MORN4: variants seen among roughly 807,000 people sequenced by gnomAD.
MORN4 encodes the protein MORN repeat-containing protein 4.
A neutral mutation model predicts 16.4 loss-of-function variants in MORN4; 8 were observed. That is an observed-to-expected ratio of 0.49 (90% CI 0.29 to 0.88). The LOEUF is 0.88. Among genes scored for constraint, MORN4 ranks in the 40% least tolerant of loss-of-function variants. The pLI, the probability that MORN4 is intolerant of heterozygous loss-of-function variation, is 0.09. For synonymous variants in MORN4, 53 were observed against 68.9 expected (o/e 0.77, Z 1.14); for missense variants, 159 against 182.9 (o/e 0.87, Z 0.75).
intron 1 of MORN4, among the ~76,000 whole-genome samples, chr10:97,621,451 T>C (rs1208433237): frequency 6.6e-6 from 1 of 152,218 alleles, no homozygotes; most frequent in East Asian, 1.9e-4. Context: ...GTGGGATGAA[T>C]TGGAGCAGCA....
At chr10:97,620,896 G>A (rs1333570303) in intron 1 of MORN4, among the ~76,000 whole-genome samples, 1 of 152,132 alleles carries the variant, frequency 6.6e-6, no homozygotes, top group Non-Finnish European at 1.5e-5. Flanking sequence ...GCCGAGGTGG[G>A]CGGATCACGA....
At chr10:97,626,395 AATCATAATCATAATC>A (rs1161275211) in intron 1 of MORN4, among the ~76,000 whole-genome samples, 98 of 22,200 alleles carry the variant, frequency 4.4e-3, no homozygotes, top group African/African-American at 8.9e-3. Flanking sequence ...TAATAATAAT[AATCATAATCATAATC>A]ATAATCATAA....
intron 1 of MORN4, among the ~76,000 whole-genome samples, chr10:97,622,858 C>CATTTATTTATTTATTTATTT (rs138978764): frequency 1.7e-3 from 229 of 138,500 alleles, no homozygotes; most frequent in Non-Finnish European, 2.1e-3. Flanking sequence ...CTTCATCTTT[C>CATTTATTTATTTATTTATTT]ATTTATTTAT....
At chr10:97,629,420 C>T (rs1161451449) in intron 1 of MORN4, among the ~76,000 whole-genome samples, 1 of 152,110 alleles carries the variant, frequency 6.6e-6, no homozygotes, top group Non-Finnish European at 1.5e-5. Flanking sequence ...GAGGTTAGAT[C>T]ATAAAAGGTG....
At position 97,626,389 on chromosome 10, in the gene MORN4, AATAATAATC is replaced by A. The variant is rs1216361855; in HGVS notation, c.-30-6715_-30-6707del. ...GAGACTCTGACTCAAAAATAATAAT[AATAATAATC>A]ATAATCATAATCATAATCATAATCA... On this transcript the variant is annotated intron_variant, in intron 1 of 4. Coordinates refer to ENST00000307450, the MANE Select transcript of MORN4 (RefSeq NM_178832.4). Among the ~76,000 whole-genome samples the A allele has an allele frequency of 8.2e-3, 826 of 100,156 alleles. 6 individuals carry two copies. The highest frequency in any genetic ancestry group is 0.031 in the African/African-American group (751 of 23,914). 65.7% of individuals were successfully genotyped at this position (100,156 alleles called of 152,430 possible).
At chr10:97,617,133 A>C (rs2041242753) in intron 3 of MORN4, 75 bp downstream of exon 3, 6 of 1,118,510 alleles carry the variant, frequency 5.4e-6, no homozygotes, top group Non-Finnish European at 8.2e-6. Context: ...GATTGACCAG[A>C]TATTTACCAG....
At position 97,620,504 on chromosome 10, in the gene MORN4, AAAAG is replaced by A. The variant is rs1232461884; in HGVS notation, c.-30-825_-30-822del. The stretch of plus-strand genomic sequence containing the variant: ...ACTCTGTCTCAAAAAAAAAAAAAAA[AAAAG>A]AAAAAAAAAAGAAAATATGGGGAAC... On this transcript the variant is annotated intron_variant, in intron 1 of 4. Transcript: ENST00000307450. Among the ~76,000 whole-genome samples, 631 of 107,334 alleles carry A rather than the reference AAAAG, an allele frequency of 5.9e-3. 38 individuals carry two copies. Among genetic ancestry groups the A allele is most frequent in the African/African-American group, 0.02 (590 of 29,090 alleles). 70.4% of individuals were successfully genotyped at this position (107,334 alleles called of 152,430 possible).
At position 97,633,254 on chromosome 10, in the gene MORN4, C is replaced by G. The variant is rs2041412673; in HGVS notation, c.-31+93G>C. 8.1e-7 allele frequency: 1 copy of G among 1,233,450 alleles called. No individual in the cohort carries two copies. Among genetic ancestry groups the G allele is most frequent in the Middle Eastern group, 3.5e-4 (1 of 2,846 alleles). The allele number at this position is 1,233,450 out of a possible 1,614,324, so 76.4% of individuals were successfully genotyped here. A position where few individuals can be genotyped will look rare whatever the true frequency, so the allele number is the denominator to read the frequency against. On this transcript the variant is annotated intron_variant, in intron 1 of 4. Coordinates refer to ENST00000307450, the MANE Select transcript of MORN4 (RefSeq NM_178832.4). This position sits in a 1 kb window ranked among gnomAD's most constrained non-coding sequence, Gnocchi z 4.5. Reference sequence around the variant, plus strand: ...AGCGTATCCGAGGTGGAGCCGCGCCCCCGAGCCGGGTCATCTCGTGCTCCG... The same window carrying G: ...AGCGTATCCGAGGTGGAGCCGCGCCGCCGAGCCGGGTCATCTCGTGCTCCG...
chr10:97,616,522 C>T lies in MORN4; in HGVS notation c.293-111G>A, dbSNP rs1045811694. The T allele has an allele frequency of 5.9e-6, 8 of 1,345,592 alleles. No homozygotes were observed. The African/African-American group carries it at 1.0e-4, about 17-fold the overall frequency. 83.4% of individuals were successfully genotyped at this position (1,345,592 alleles called of 1,614,324 possible). A position where few individuals can be genotyped will look rare whatever the true frequency, so the allele number is the denominator to read the frequency against. On this transcript the variant is annotated intron_variant, in intron 4 of 4. Transcript: ENST00000307450. ...GGCCAAAGAAGAGAAAAACTCCCAG[C>T]TCTACTCAGGAGTACTCTATTGATG...
chr10:97,632,655 G>A (rs1311182188), intron 1 of MORN4, among the ~76,000 whole-genome samples: 2 of 151,994 alleles, frequency 1.3e-5, no homozygotes, highest in Non-Finnish European at 2.9e-5. Flanking sequence ...GAAGACTGTG[G>A]GATGGTTAGA....
In MORN4 at chr10:97,617,204, C is replaced by T. The variant is rs1434306800; in HGVS notation, c.182+4G>A. On this transcript the variant is annotated splice_donor_region_variant and intron_variant, in intron 3 of 4. Coordinates refer to ENST00000307450, the MANE Select transcript of MORN4 (RefSeq NM_178832.4). ...GGCTAAGAAAGGAATGACCTCATAC[C>T]CACCTTGAACCATCTGAGAAGGTCA... 6.2e-7 allele frequency: 1 copy of T among 1,610,148 alleles called. No individual in the cohort carries two copies. Among genetic ancestry groups the T allele is most frequent in the Non-Finnish European group, 8.5e-7 (1 of 1,176,386 alleles).
At chr10:97,627,629 G>T (rs941741433) in intron 1 of MORN4, among the ~76,000 whole-genome samples, 1 of 152,104 alleles carries the variant, frequency 6.6e-6, no homozygotes, top group African/African-American at 2.4e-5. Context: ...TTCATTTCTC[G>T]CCTAAATGAA....
upstream of MORN4, chr10:97,633,625 C>T (rs779799556): frequency 7.8e-7 from 1 of 1,286,442 alleles, no homozygotes; most frequent in Admixed American, 2.3e-5. The surrounding 1 kb of genome is among the most constrained non-coding windows in gnomAD (Gnocchi z 4.5). Context: ...CCCGGGCTGA[C>T]TATGTGAAAG....
chr10:97,623,730 C>CTT (rs561536784), intron 1 of MORN4, among the ~76,000 whole-genome samples: 5 of 139,996 alleles, frequency 3.6e-5, no homozygotes, highest in Non-Finnish European at 3.1e-5. Context: ...AGACGGGATT[C>CTT]TTTTTTTTTT....
At position 97,633,140 on chromosome 10, in the gene MORN4, A is replaced by G. The variant is rs545358675; in HGVS notation, c.-31+207T>C. Among the ~76,000 whole-genome samples, 1 of 152,114 alleles carries G rather than the reference A, an allele frequency of 6.6e-6. No homozygotes were observed. Among genetic ancestry groups the G allele is most frequent in the African/African-American group, 2.4e-5 (1 of 41,514 alleles). ...CCTCCACCCTCTGCTCGCTAACCCC[A>G]GTCCAGTCAGCTCTCCCGGGCCTCG... On this transcript the variant is annotated intron_variant, in intron 1 of 4. Transcript: ENST00000307450. This position sits in a 1 kb window ranked among gnomAD's most constrained non-coding sequence, Gnocchi z 4.5.
chr10:97,633,653 T>C (rs1447149188), upstream of MORN4: 12 of 1,270,888 alleles, frequency 9.4e-6, no homozygotes, highest in African/African-American at 1.4e-4. The surrounding 1 kb of genome is among the most constrained non-coding windows in gnomAD (Gnocchi z 4.5). Flanking sequence ...GTCCCACCTC[T>C]GCAACGCAGA....
At chr10:97,621,758 G>A (rs1365415776) in intron 1 of MORN4, among the ~76,000 whole-genome samples, 1 of 150,326 alleles carries the variant, frequency 6.7e-6, no homozygotes, top group African/African-American at 2.4e-5. Flanking sequence ...CCAGCTACTC[G>A]GGAGACTGAT....
intron 3 of MORN4, 124 bp from the exon 4 acceptor site, chr10:97,616,911 T>C: frequency 5.6e-6 from 4 of 709,470 alleles, no homozygotes; most frequent in Non-Finnish European, 1.0e-5. Context: ...ACCAGTCACA[T>C]AGCTCCACCT....
At chr10:97,632,222 T>C (rs928078920) in intron 1 of MORN4, among the ~76,000 whole-genome samples, 12 of 140,414 alleles carry the variant, frequency 8.5e-5, no homozygotes, top group African/African-American at 3.1e-4. Context: ...CTTTTTTTTT[T>C]TTTTTTTTTT....
Sources: gnomAD v4.1 joint callset for allele counts (sites outside exome capture counted in the v4.1 genomes callset) on GRCh38, gnomAD v4.1.1 for gene constraint, Gnocchi (gnomAD v3.1) non-coding constraint, MANE v1.5 for transcripts, NCBI Gene and HGNC (gene_info 2026-07-23, HGNC 2026-07-21) for gene names.